GRIA1: variants seen among roughly 807,000 people sequenced by gnomAD.
GRIA1 encodes the protein glutamate ionotropic receptor AMPA type subunit 1.
GRIA1 carries 31 observed loss-of-function variants against 99.2 expected under a neutral mutation model. The ratio of observed to expected loss-of-function variants is 0.31; its 90% CI spans 0.23 to 0.42. The LOEUF (loss-of-function observed/expected upper bound fraction) is 0.42. Ranked by LOEUF, GRIA1 falls within the 10% of genes least tolerant of loss-of-function variation. The pLI is 1.00. For missense variants in GRIA1, 782 were observed against 1,157.5 expected (o/e 0.68, Z 4.71); for synonymous variants, 438 against 432.4 (o/e 1.01, Z -0.16).
At chr5:153,501,720 G>C (rs1755028587) in intron 2 of GRIA1, among the ~76,000 whole-genome samples, 1 of 152,118 alleles carries the variant, frequency 6.6e-6, no homozygotes, top group Non-Finnish European at 1.5e-5. Flanking sequence ...CTGGCAGATG[G>C]GCAGGAGGAT....
chr5:153,727,502 A>C (rs995722923), intron 11 of GRIA1, among the ~76,000 whole-genome samples: 3 of 152,222 alleles, frequency 2.0e-5, no homozygotes, highest in Non-Finnish European at 4.4e-5. Flanking sequence ...GTCTCAGCCC[A>C]AAATCTCCTT....
chr5:153,643,823 A>T (rs972857327), intron 2 of GRIA1, among the ~76,000 whole-genome samples: 2 of 152,144 alleles, frequency 1.3e-5, no homozygotes, highest in African/African-American at 4.8e-5. Flanking sequence ...TGAAGGGGAA[A>T]ATGTCCTGGC....
At chr5:153,660,168 G>T (rs73285421) in intron 5 of GRIA1, among the ~76,000 whole-genome samples, 3,264 of 152,186 alleles carry the variant, frequency 0.021, 105 homozygotes, top group African/African-American at 0.075. Context: ...AGAGATGTGG[G>T]CATAAGAATA....
chr5:153,584,828 C>T (rs1212297616), intron 2 of GRIA1, among the ~76,000 whole-genome samples: 10 of 152,116 alleles, frequency 6.6e-5, no homozygotes, highest in African/African-American at 2.4e-4. Flanking sequence ...GTAACCTCTA[C>T]CAGATTGGGT....
Position 153,586,141 on chromosome 5 carries a change from C to G in GRIA1, c.221-60787C>G, listed in dbSNP as rs1763466979. Among the ~76,000 whole-genome samples, 3 of 152,174 alleles carry G rather than the reference C, an allele frequency of 2.0e-5. No individual in the cohort carries two copies. In the South Asian group the frequency reaches 6.2e-4, roughly 32 times the overall value. On this transcript the variant is annotated intron_variant, in intron 2 of 15. Transcript: ENST00000285900. ...ACTATGCACCAGCTCTGACATACTT[C>G]TTGTTGTCTGAAATTATCATATTTA...
At chr5:153,589,342 A>T (rs1763763961) in intron 2 of GRIA1, among the ~76,000 whole-genome samples, 1 of 152,178 alleles carries the variant, frequency 6.6e-6, no homozygotes. Flanking sequence ...ATCTCTTCAA[A>T]TGTGAATTAA....
chr5:153,592,024 A>G lies in GRIA1; in HGVS notation c.221-54904A>G, dbSNP rs577405431. On this transcript the variant is annotated intron_variant, in intron 2 of 15. Coordinates refer to ENST00000285900, the MANE Select transcript of GRIA1 (RefSeq NM_000827.4). ...AAAAGGCAAAAACATCTCGGGCTTTATTCTTTTGCCCCACCTTAGTTTTTC... is the reference window on the plus strand; with the variant it reads ...AAAAGGCAAAAACATCTCGGGCTTTGTTCTTTTGCCCCACCTTAGTTTTTC... Among the ~76,000 whole-genome samples, 53 of 152,034 alleles carry G rather than the reference A, an allele frequency of 3.5e-4. 1 individual carries two copies. Among genetic ancestry groups the G allele is most frequent in the African/African-American group, 1.2e-3 (51 of 41,298 alleles).
intron 11 of GRIA1, among the ~76,000 whole-genome samples, chr5:153,743,040 C>T (rs1483615789): frequency 6.6e-6 from 1 of 152,158 alleles, no homozygotes; most frequent in Non-Finnish European, 1.5e-5. Flanking sequence ...TGTCCAAGGA[C>T]ACCACCCAGT....
chr5:153,490,908 T>C lies in GRIA1; in HGVS notation c.20T>C (p.Phe7Ser), dbSNP rs1232613217. The C allele has an allele frequency of 9.3e-6, 15 of 1,613,982 alleles. No individual in the cohort carries two copies. Among genetic ancestry groups the C allele is most frequent in the African/African-American group, 1.3e-5 (1 of 74,906 alleles). MQHIFA[F>S]FCTGFLGAVV... ...AGGAATATGCAGCACATTTTTGCCT[T>C]CTTCTGCACCGGTTTCCTAGGCGCG... Residue 7 changes from phenylalanine (F) to serine (S), a missense_variant, in exon 1 of 16, where the codon TTC (phenylalanine) becomes TCC (serine). By Grantham distance (155) the Phe-to-Ser change is radical (BLOSUM62 -2). This residue lies in a region of GRIA1 where 461 missense variants were observed against 521.7 expected (regional missense o/e 0.88). Coordinates refer to ENST00000285900, the MANE Select transcript of GRIA1 (RefSeq NM_000827.4).
rs1225499836 is a variant in GRIA1 at position 153,741,575 on chromosome 5, TAAA to T, written c.1824-22855_1824-22853del. On this transcript the variant is annotated intron_variant, in intron 11 of 15. Coordinates refer to ENST00000285900, the MANE Select transcript of GRIA1 (RefSeq NM_000827.4). ...CATACAGTGGAATATTTTTCAGGCT[TAAA>T]AAAGGAAATTCTCTAATATACAACA... Among the ~76,000 whole-genome samples the T allele has an allele frequency of 4.6e-5, 7 of 152,252 alleles. 1 individual carries two copies. Among genetic ancestry groups the T allele is most frequent in the Admixed American group, 4.6e-4 (7 of 15,286 alleles).
intron 2 of GRIA1, among the ~76,000 whole-genome samples, chr5:153,611,717 C>T (rs1297389474): frequency 1.3e-5 from 2 of 152,182 alleles, no homozygotes; most frequent in Non-Finnish European, 2.9e-5. Context: ...CCTTCTCTTT[C>T]AAAAAACAAA....
Position 153,535,834 on chromosome 5 carries a change from T to C in GRIA1, c.220+41769T>C, listed in dbSNP as rs143345845. On this transcript the variant is annotated intron_variant, in intron 2 of 15. Transcript: ENST00000285900. Reference sequence around the variant, plus strand: ...GAGACTTTTGATTCTTTTTCCCTTATCCATGTCTTTGATCTGCCACCAAGT... The same window carrying C: ...GAGACTTTTGATTCTTTTTCCCTTACCCATGTCTTTGATCTGCCACCAAGT... 4.0e-3 allele frequency among the ~76,000 whole-genome samples: 616 copies of C among 152,344 alleles called. 5 individuals are homozygous for C. Among genetic ancestry groups the C allele is most frequent in the African/African-American group, 0.014 (596 of 41,584 alleles).
intron 11 of GRIA1, among the ~76,000 whole-genome samples, chr5:153,747,792 C>G (rs1762256382): frequency 6.6e-6 from 1 of 152,212 alleles, no homozygotes; most frequent in African/African-American, 2.4e-5. Flanking sequence ...TGTAGCCTTT[C>G]CCACCTCTGC....
intron 2 of GRIA1, among the ~76,000 whole-genome samples, chr5:153,636,606 G>T (rs944922001): frequency 1.3e-5 from 2 of 152,184 alleles, no homozygotes; most frequent in African/African-American, 4.8e-5. Flanking sequence ...CCTATACCTG[G>T]CATAGAGGAG....
chr5:153,688,702 G>A (rs1757517287), intron 8 of GRIA1, among the ~76,000 whole-genome samples: 1 of 151,958 alleles, frequency 6.6e-6, no homozygotes, highest in African/African-American at 2.4e-5. Context: ...TCTCCCCAAG[G>A]CCATCTTCCT....
At chr5:153,728,302 C>G (rs2149553161) in intron 11 of GRIA1, among the ~76,000 whole-genome samples, 1 of 150,540 alleles carries the variant, frequency 6.6e-6, no homozygotes, top group African/African-American at 2.4e-5. Flanking sequence ...CTAGGCATTA[C>G]CATTCAGGAC....
At chr5:153,767,640 G>A (rs7708391) in intron 12 of GRIA1, among the ~76,000 whole-genome samples, 59,595 of 152,006 alleles carry the variant, frequency 0.39, 12,833 homozygotes, top group East Asian at 0.93. Context: ...CAAAAGGAGG[G>A]AATAGTGAGA....
At chr5:153,780,372 A>G (rs1160607215) in intron 13 of GRIA1, among the ~76,000 whole-genome samples, 1 of 152,234 alleles carries the variant, frequency 6.6e-6, no homozygotes, top group Non-Finnish European at 1.5e-5. Flanking sequence ...GAAAGTAGCA[A>G]GCTGCAGTAT....
At chr5:153,512,928 C>T (rs1425631083) in intron 2 of GRIA1, among the ~76,000 whole-genome samples, 1 of 152,146 alleles carries the variant, frequency 6.6e-6, no homozygotes, top group Non-Finnish European at 1.5e-5. Flanking sequence ...TAAGAGACAC[C>T]AGAATACTTG....
Sources: gnomAD v4.1 joint callset for allele counts (sites outside exome capture counted in the v4.1 genomes callset) on GRCh38, gnomAD v4.1.1 for gene constraint, gnomAD v4.1.1 regional missense constraint, MANE v1.5 for transcripts, NCBI Gene and HGNC (gene_info 2026-07-23, HGNC 2026-07-21) for gene names.